DIS3L2: variants seen among roughly 807,000 people sequenced by gnomAD.
The protein encoded by DIS3L2 is DIS3 like 3'-5' exoribonuclease 2.
A neutral mutation model predicts 97.5 loss-of-function variants in DIS3L2; 34 were observed. That is an observed-to-expected ratio of 0.35 (90% CI 0.27 to 0.46). The LOEUF is 0.46. Ranked by LOEUF, DIS3L2 falls within the 20% of genes least tolerant of loss-of-function variation. The pLI, the probability that DIS3L2 is intolerant of heterozygous loss-of-function variation, is 1.00. For missense variants in DIS3L2, 1,038 were observed against 1,146.0 expected, an observed-to-expected ratio of 0.91 and a Z score of 1.36; for synonymous variants, 435 against 445.2, an observed-to-expected ratio of 0.98 and a Z score of 0.29.
intron 10 of DIS3L2, among the ~76,000 whole-genome samples, chr2:232,217,653 G>A (rs1692377394): frequency 6.6e-6 from 1 of 152,176 alleles, no homozygotes; most frequent in Admixed American, 6.5e-5. Flanking sequence ...GAAAACTCAG[G>A]GAAACGCTTA....
intron 14 of DIS3L2, among the ~76,000 whole-genome samples, chr2:232,309,570 T>G (rs906142308): frequency 6.6e-6 from 1 of 152,156 alleles, no homozygotes; most frequent in Non-Finnish European, 1.5e-5. Flanking sequence ...CTCAATCTCC[T>G]GGGCTTAGGT....
At chr2:231,966,831 G>T (rs759603655) in intron 1 of DIS3L2, among the ~76,000 whole-genome samples, 12 of 151,736 alleles carry the variant, frequency 7.9e-5, no homozygotes, top group Non-Finnish European at 1.6e-4. Flanking sequence ...GAGAGTGGTG[G>T]TAGAATGGCA....
At chr2:232,007,522 A>T (rs891975908) in intron 1 of DIS3L2, among the ~76,000 whole-genome samples, 1 of 152,154 alleles carries the variant, frequency 6.6e-6, no homozygotes, top group Non-Finnish European at 1.5e-5. Flanking sequence ...TTTTTTGTAG[A>T]GACAGGGTCT....
chr2:231,986,106 A>C (rs917681495), intron 1 of DIS3L2, among the ~76,000 whole-genome samples: 1 of 152,210 alleles, frequency 6.6e-6, no homozygotes, highest in African/African-American at 2.4e-5. Context: ...TACTTACACC[A>C]GTGGTTTGCC....
intron 6 of DIS3L2, among the ~76,000 whole-genome samples, chr2:232,109,997 A>G (rs572644862): frequency 6.6e-6 from 1 of 152,348 alleles, no homozygotes; most frequent in East Asian, 1.9e-4. Flanking sequence ...TAAGGAATTT[A>G]AACAAATTTA....
intron 8 of DIS3L2, among the ~76,000 whole-genome samples, chr2:232,159,052 T>G (rs1486784503): frequency 6.6e-6 from 1 of 152,192 alleles, no homozygotes; most frequent in Non-Finnish European, 1.5e-5. Context: ...TTAGTCATTT[T>G]GAAAATTAAT....
rs1205085629 is a variant in DIS3L2, at chr2:232,078,017, CTTTT to C, written c.367-9468_367-9465del. Among the ~76,000 whole-genome samples the C allele has an allele frequency of 6.9e-3, 532 of 77,548 alleles. 2 individuals carry two copies. Among genetic ancestry groups the C allele is most frequent in the Middle Eastern group, 0.013 (2 of 150 alleles). 50.9% of individuals were successfully genotyped at this position (77,548 alleles called of 152,430 possible). On this transcript the variant is annotated intron_variant, in intron 5 of 20. Coordinates refer to ENST00000325385, the MANE Select transcript of DIS3L2 (RefSeq NM_152383.5). ...TCTTTCTTTCTTTCTTTCTTTCTTTCTTTTTCTCTTTCTCTTTCTCTTTCTTTTT... is the reference window on the plus strand; with the variant it reads ...TCTTTCTTTCTTTCTTTCTTTCTTTCTCTCTTTCTCTTTCTCTTTCTTTTT...
intron 9 of DIS3L2, among the ~76,000 whole-genome samples, chr2:232,208,652 T>C (rs1692099042): frequency 6.6e-6 from 1 of 152,232 alleles, no homozygotes; most frequent in African/African-American, 2.4e-5. Context: ...GTTGCATTTA[T>C]GAATAATTTG....
chr2:232,036,068 G>A (rs578035549), intron 5 of DIS3L2, among the ~76,000 whole-genome samples: 45 of 152,246 alleles, frequency 3.0e-4, no homozygotes, highest in African/African-American at 1.1e-3. Flanking sequence ...ATGTTGGCCT[G>A]TCTTGCTAGG....
intron 5 of DIS3L2, among the ~76,000 whole-genome samples, chr2:232,080,681 G>A (rs1696360579): frequency 6.6e-6 from 1 of 151,788 alleles, no homozygotes; most frequent in African/African-American, 2.4e-5. Flanking sequence ...TGGGTGGATT[G>A]CTTGAGCTCA....
chr2:232,011,766 C>T (rs906172390), intron 1 of DIS3L2, among the ~76,000 whole-genome samples: 3 of 152,162 alleles, frequency 2.0e-5, no homozygotes, highest in Non-Finnish European at 4.4e-5. Context: ...TCTTGTGCCT[C>T]AGCCTCCTGA....
At chr2:232,008,251 C>T (rs1412658685) in intron 1 of DIS3L2, among the ~76,000 whole-genome samples, 1 of 149,220 alleles carries the variant, frequency 6.7e-6, no homozygotes, top group African/African-American at 2.5e-5. Context: ...TGTTCTCAAA[C>T]TCCTGGGTTC....
At chr2:232,154,958 C>CCGATTTT (rs1283599596) in intron 8 of DIS3L2, among the ~76,000 whole-genome samples, 1 of 130,536 alleles carries the variant, frequency 7.7e-6, no homozygotes, top group East Asian at 2.3e-4. Context: ...TGGGAGTGAC[C>CCGATTTT]CGATTTTCCA....
downstream of DIS3L2, among the ~76,000 whole-genome samples, chr2:232,341,205 C>T (rs1236495387): frequency 6.6e-6 from 1 of 152,202 alleles, no homozygotes. Context: ...ACCGTAGTGA[C>T]AGGACCCAGG....
At position 232,136,726 on chromosome 2, in the gene DIS3L2, G is replaced by A. The variant is rs771043528; in HGVS notation, c.950+7G>A. The A allele has an allele frequency of 1.4e-5, 22 of 1,612,316 alleles. No homozygotes were observed. The highest frequency in any genetic ancestry group is 1.7e-4 in the Middle Eastern group (1 of 6,048). On this transcript the variant is annotated splice_region_variant and intron_variant, in intron 8 of 20. Coordinates refer to ENST00000325385, the MANE Select transcript of DIS3L2 (RefSeq NM_152383.5). ...ACTGCAATTTTGCCCTGGGGTAGGT[G>A]ATCTCTGGTAGGAAAAACCACAGGT...
At chr2:232,160,869 G>GT (rs917740757) in intron 8 of DIS3L2, among the ~76,000 whole-genome samples, 2 of 152,076 alleles carry the variant, frequency 1.3e-5, no homozygotes, top group African/African-American at 4.8e-5. Context: ...AATAGAATTA[G>GT]TTTTTTGTTT....
intron 5 of DIS3L2, among the ~76,000 whole-genome samples, chr2:232,033,468 T>C (rs1694866246): frequency 6.6e-6 from 1 of 152,206 alleles, no homozygotes; most frequent in Non-Finnish European, 1.5e-5. Context: ...TTTATTTCTT[T>C]CACTTGCCTG....
chr2:232,006,209 GA>G (rs1402407748), intron 1 of DIS3L2, among the ~76,000 whole-genome samples: 1 of 152,142 alleles, frequency 6.6e-6, no homozygotes, highest in Non-Finnish European at 1.5e-5. Context: ...AAAGAAAAAA[GA>G]AAAGGCATTT....
chr2:232,148,748 C>T (rs376626782), intron 8 of DIS3L2, among the ~76,000 whole-genome samples: 226 of 98,866 alleles, frequency 2.3e-3, no homozygotes, highest in Middle Eastern at 0.017. Context: ...AATTTTCTTT[C>T]TTTTTTTTTT....
Sources: allele counts gnomAD v4.1 joint callset (sites outside exome capture counted in the v4.1 genomes callset), GRCh38; gene constraint gnomAD v4.1.1; transcripts MANE v1.5; gene names NCBI Gene and HGNC (gene_info 2026-07-23, HGNC 2026-07-21).